Variants in FFAR4 observed in about 807,000 individuals in gnomAD.
FFAR4 encodes G-protein coupled receptor 120.
FFAR4 carries 19 observed loss-of-function variants against 27.0 expected under a neutral mutation model. The observed-to-expected ratio is 0.70, with a 90% CI of 0.49 to 1.03. The LOEUF (loss-of-function observed/expected upper bound fraction) is 1.03. FFAR4 is among the 50% of genes least tolerant of loss of function. The pLI is 0.00. For missense variants in FFAR4, 476 were observed against 479.0 expected, an observed-to-expected ratio of 0.99 and a Z score of 0.06; for synonymous variants, 254 against 215.6, an observed-to-expected ratio of 1.18 and a Z score of -1.56.
At chr10:93,571,267 G>T (rs1589674326) in intron 1 of FFAR4, among the ~76,000 whole-genome samples, 2 of 152,076 alleles carry the variant, frequency 1.3e-5, no homozygotes, top group Admixed American at 6.6e-5. Flanking sequence ...GTCTATCCTG[G>T]CCAGAATGTG....
In FFAR4 at chr10:93,572,475, G is replaced by A. The variant is rs1319569689; in HGVS notation, c.568-3616G>A. On this transcript the variant is annotated intron_variant, in intron 1 of 2. Transcript: ENST00000371481. ...GACGGTGCTGGAAGCGTTGGCAGAG[G>A]AGAGGGAGAAGGACCAGAGTCATCC... Among the ~76,000 whole-genome samples the A allele has an allele frequency of 2.0e-5, 3 of 152,214 alleles. 1 individual carries two copies. Among genetic ancestry groups the A allele is most frequent in the African/African-American group, 7.2e-5 (3 of 41,454 alleles).
At chr10:93,585,197 T>C (rs1245370780) in intron 2 of FFAR4, among the ~76,000 whole-genome samples, 2 of 151,730 alleles carry the variant, frequency 1.3e-5, no homozygotes, top group Non-Finnish European at 2.9e-5. Context: ...TAACCAGGGC[T>C]GCCTTCATTG....
intron 1 of FFAR4, among the ~76,000 whole-genome samples, chr10:93,571,274 T>A (rs907265799): frequency 1.3e-5 from 2 of 152,170 alleles, no homozygotes; most frequent in African/African-American, 4.8e-5. Context: ...CTGGCCAGAA[T>A]GTGCTGCCCA....
At position 93,587,309 on chromosome 10, in the gene FFAR4, C is replaced by G; in HGVS notation, c.786C>G (p.Leu262=). 6.2e-7 allele frequency: 1 copy of G among 1,614,186 alleles called. No homozygotes were observed. The highest frequency in any genetic ancestry group is 8.5e-7 in the Non-Finnish European group (1 of 1,180,028). ...GCGTGTCCCAGCAGGACTTCCGGCT[C>G]TTCCGCACCCTCTTCCTCCTCATGG... ...QIRVSQQDFR[L]FRTLFLLMVS... Residue 262 remains leucine (L), a synonymous_variant, in exon 3 of 3, where the codon CTC becomes CTG. Transcript: ENST00000371481.
chr10:93,587,471 A>G lies in FFAR4; in HGVS notation c.948A>G (p.Leu316=). ...CCTTCACATTTGCTAATTCAGCCCT[A>G]AACCCCATCCTCTACAACATGACAC... ...VVAFTFANSA[L]NPILYNMTLC... Residue 316 remains leucine, a synonymous_variant, in exon 3 of 3, where the codon CTA becomes CTG. Transcript: ENST00000371481. 6.2e-7 allele frequency: 1 copy of G among 1,614,000 alleles called. No individual in the cohort carries two copies. Among genetic ancestry groups the G allele is most frequent in the Non-Finnish European group, 8.5e-7 (1 of 1,179,996 alleles).
chr10:93,585,895 C>T (rs2134557460), intron 2 of FFAR4, among the ~76,000 whole-genome samples: 1 of 152,364 alleles, frequency 6.6e-6, no homozygotes, highest in Non-Finnish European at 1.5e-5. Flanking sequence ...AGCAAATGAG[C>T]AGCCTCTGAT....
At chr10:93,568,685 C>T (rs1029660802) in intron 1 of FFAR4, among the ~76,000 whole-genome samples, 1 of 152,182 alleles carries the variant, frequency 6.6e-6, no homozygotes, top group African/African-American at 2.4e-5. Flanking sequence ...CAGTCTCTCA[C>T]ACAGCCCTTT....
chr10:93,570,090 A>T (rs575070341), intron 1 of FFAR4, among the ~76,000 whole-genome samples: 38 of 151,922 alleles, frequency 2.5e-4, no homozygotes, highest in Non-Finnish European at 4.6e-4. Flanking sequence ...AATTAAAAAA[A>T]ATGGGACAAT....
intron 2 of FFAR4, among the ~76,000 whole-genome samples, chr10:93,580,257 A>G (rs1308456650): frequency 6.6e-6 from 1 of 152,210 alleles, no homozygotes; most frequent in East Asian, 1.9e-4. Flanking sequence ...TTGAACATCA[A>G]TGTTAATTAG....
In FFAR4 at chr10:93,589,278, T is replaced by A. The variant is rs2058248771; in HGVS notation, c.*1669T>A. 1.3e-5 allele frequency: 2 copies of A among 152,326 alleles called. No homozygotes were observed. The highest frequency in any genetic ancestry group is 2.4e-5 in the African/African-American group (1 of 41,382). 9.4% of individuals were successfully genotyped at this position (152,326 alleles called of 1,614,324 possible). On this transcript the variant is annotated 3_prime_UTR_variant, in exon 3 of 3. Transcript: ENST00000371481. Reference sequence around the variant, plus strand: ...GCAACTGGAGGCTGACGTGACCTGATGAATGTGTGCAAAGATTACCCTGGC... The same window carrying A: ...GCAACTGGAGGCTGACGTGACCTGAAGAATGTGTGCAAAGATTACCCTGGC...
At chr10:93,568,239 A>G (rs2058111485) in intron 1 of FFAR4, among the ~76,000 whole-genome samples, 1 of 151,950 alleles carries the variant, frequency 6.6e-6, no homozygotes, top group African/African-American at 2.4e-5. Flanking sequence ...ACGGTGGAGG[A>G]CAGTGGCCGC....
At chr10:93,580,510 A>G (rs886716489) in intron 2 of FFAR4, among the ~76,000 whole-genome samples, 1 of 152,228 alleles carries the variant, frequency 6.6e-6, no homozygotes, top group Admixed American at 6.5e-5. Context: ...AAATGCTGGG[A>G]TAGGCTAGAT....
intron 1 of FFAR4, among the ~76,000 whole-genome samples, chr10:93,570,348 GA>G (rs1014689199): frequency 6.7e-6 from 1 of 148,736 alleles, no homozygotes; most frequent in Non-Finnish European, 1.5e-5. Flanking sequence ...ATGAGAGACA[GA>G]AAAAAACAAA....
chr10:93,583,930 G>A (rs960575966), intron 2 of FFAR4, among the ~76,000 whole-genome samples: 29 of 152,212 alleles, frequency 1.9e-4, no homozygotes, highest in African/African-American at 5.5e-4. Context: ...GTACATTGTC[G>A]CCCTTCTTAG....
intron 1 of FFAR4, among the ~76,000 whole-genome samples, chr10:93,568,631 G>T (rs1296721188): frequency 2.0e-5 from 3 of 152,196 alleles, no homozygotes; most frequent in Non-Finnish European, 4.4e-5. Flanking sequence ...ACCCTCCAGA[G>T]CCTGAGACAG....
chr10:93,573,036 G>C (rs141943715), intron 1 of FFAR4, among the ~76,000 whole-genome samples: 1 of 152,264 alleles, frequency 6.6e-6, no homozygotes, highest in South Asian at 2.1e-4. Flanking sequence ...CCCTGGCCGC[G>C]GTCCTTCCAG....
intron 2 of FFAR4, among the ~76,000 whole-genome samples, chr10:93,582,991 A>C (rs1207909438): frequency 6.6e-6 from 1 of 152,126 alleles, no homozygotes; most frequent in Non-Finnish European, 1.5e-5. Flanking sequence ...AACTGCCCCC[A>C]TGATCCAAAC....
At chr10:93,574,831 G>A (rs1245683004) in intron 1 of FFAR4, among the ~76,000 whole-genome samples, 4 of 144,428 alleles carry the variant, frequency 2.8e-5, no homozygotes, top group Admixed American at 6.7e-5. Context: ...CCTGGGAGGC[G>A]GAGGTTGCAG....
At chr10:93,582,066 CAAGCA>C (rs1254968722) in intron 2 of FFAR4, among the ~76,000 whole-genome samples, 1 of 152,206 alleles carries the variant, frequency 6.6e-6, no homozygotes, top group Non-Finnish European at 1.5e-5. Flanking sequence ...AAAAGCACAT[CAAGCA>C]TTCTGCCCAG....
Sources: gnomAD v4.1 joint callset for allele counts (sites outside exome capture counted in the v4.1 genomes callset) on GRCh38, gnomAD v4.1.1 for gene constraint, MANE v1.5 for transcripts, NCBI Gene and HGNC (gene_info 2026-07-23, HGNC 2026-07-21) for gene names.